The following MLXIPL variants were observed in gnomAD, a reference collection of about 807,000 sequenced individuals.
The protein encoded by MLXIPL is MLX interacting protein like, also known as carbohydrate-responsive element-binding protein.
A neutral mutation model predicts 81.5 loss-of-function variants in MLXIPL; 49 were observed. That is an observed-to-expected ratio of 0.60 (90% CI 0.48 to 0.76). MLXIPL has a LOEUF of 0.76. MLXIPL is among the 30% of genes least tolerant of loss of function. MLXIPL has a pLI of 0.00. For missense variants in MLXIPL, 1,053 were observed against 1,167.0 expected, an observed-to-expected ratio of 0.90 and a Z score of 1.42; for synonymous variants, 466 against 485.5, an observed-to-expected ratio of 0.96 and a Z score of 0.53.
At chr7:73,604,582 T>C (rs1795135640) in intron 7 of MLXIPL, among the ~76,000 whole-genome samples, 1 of 151,834 alleles carries the variant, frequency 6.6e-6, no homozygotes, top group Admixed American at 6.6e-5. Flanking sequence ...CAAAAATAAA[T>C]TAAATTAAAA....
chr7:73,642,173 A>G, the MLXIPL span, among the ~76,000 whole-genome samples: 1 of 152,138 alleles, frequency 6.6e-6, no homozygotes, highest in Non-Finnish European at 1.5e-5. Flanking sequence ...GTTATCAATG[A>G]TACAACTCAG....
the MLXIPL span, among the ~76,000 whole-genome samples, chr7:73,638,607 C>T: frequency 1.6e-4 from 25 of 151,786 alleles, no homozygotes; most frequent in East Asian, 2.3e-3. Context: ...ATTCCCAACC[C>T]AGTACTTTTG....
At chr7:73,611,084 A>G (rs1475975396) in intron 2 of MLXIPL, 4 of 152,044 alleles carry the variant, frequency 2.6e-5, no homozygotes, top group African/African-American at 7.3e-5. Context: ...TCGGCCTCCT[A>G]AAGTGCTGGG....
At chr7:73,643,826 G>A in the MLXIPL span, among the ~76,000 whole-genome samples, 2 of 152,204 alleles carry the variant, frequency 1.3e-5, no homozygotes, top group African/African-American at 4.8e-5. Flanking sequence ...TCAGTGCAGC[G>A]GCACCACCAT....
At chr7:73,601,890 G>T (rs754129588) in intron 7 of MLXIPL, among the ~76,000 whole-genome samples, 1 of 151,986 alleles carries the variant, frequency 6.6e-6, no homozygotes. Context: ...TGTTGCAGTC[G>T]CTGAACCCTG....
the MLXIPL span, among the ~76,000 whole-genome samples, chr7:73,636,891 C>T: frequency 6.6e-6 from 1 of 152,004 alleles, no homozygotes. Context: ...GAAACCCCGT[C>T]TCTACTAAAA....
chr7:73,596,656 G>A lies in MLXIPL; in HGVS notation c.1805C>T (p.Ser602Leu). ...PLLVPKAERL[S>L]PPAPSGSERR... ...CTCTTTACCGCTGGGCGCTGGGGGT[G>A]AGAGCCGCTCCGCTTTGGGGACAAG... Residue 602 changes from serine (S) to leucine (L), a missense_variant, in exon 11 of 17, where the codon TCA becomes TTA. This residue lies in a region of MLXIPL where 823 missense variants were observed against 933.0 expected (regional missense o/e 0.88). Transcript: ENST00000313375. This position sits in a 1 kb window ranked among gnomAD's most constrained non-coding sequence, Gnocchi z 4.7. 1 of 1,594,626 alleles carries A rather than the reference G, an allele frequency of 6.3e-7. No individual in the cohort carries two copies. The highest frequency in any genetic ancestry group is 8.5e-7 in the Non-Finnish European group (1 of 1,170,376).
Position 73,593,804 on chromosome 7 carries a change from GC to G in MLXIPL, c.*60del. ...GGAGTGCCCAGAGATGATCCCTGGA[GC>G]CCGTGCCCAGGGAAAGCAGCCCCCA... On this transcript the variant is annotated 3_prime_UTR_variant, in exon 17 of 17. Coordinates refer to ENST00000313375, the MANE Select transcript of MLXIPL (RefSeq NM_032951.3). 7.2e-7 allele frequency: 1 copy of G among 1,381,390 alleles called. No homozygotes were observed. Among genetic ancestry groups the G allele is most frequent in the East Asian group, 2.3e-5 (1 of 43,786 alleles). The allele number at this position is 1,381,390 out of a possible 1,614,324, so 85.6% of individuals were successfully genotyped here.
At chr7:73,632,766 C>CCTTCCTTT in the MLXIPL span, among the ~76,000 whole-genome samples, 2 of 89,012 alleles carry the variant, frequency 2.2e-5, no homozygotes, top group Admixed American at 1.9e-4. Context: ...TTCCTTCCTT[C>CCTTCCTTT]CTTCCTTCCT....
chr7:73,613,881 A>G (rs1795846876), intron 2 of MLXIPL, among the ~76,000 whole-genome samples: 1 of 152,142 alleles, frequency 6.6e-6, no homozygotes. Context: ...TCACGCCTAT[A>G]ACCCCAGCTC....
At chr7:73,601,840 C>T (rs957119909) in intron 7 of MLXIPL, among the ~76,000 whole-genome samples, 1 of 152,056 alleles carries the variant, frequency 6.6e-6, no homozygotes, top group African/African-American at 2.4e-5. Context: ...CCCTGTGTGT[C>T]GTCAGTGGCT....
rs781875960 is a variant in MLXIPL at position 73,595,676 on chromosome 7, G to A, written c.2271C>T (p.Tyr757=). The change falls in exon 15 of 17, where the codon TAC becomes TAT. Residue 757 remains tyrosine (Y), a synonymous_variant. Coordinates refer to ENST00000313375, the MANE Select transcript of MLXIPL (RefSeq NM_032951.3). ...AGTTGTGCAGCGTACGGGTTCGGAC[G>A]TAGTCATCAAACATGTCTCGCATCT... The part of the protein sequence containing the change: ...FDQMRDMFDD[Y]VRTRTLHNWK... 2.1e-5 allele frequency: 34 copies of A among 1,614,056 alleles called. No individual in the cohort carries two copies. The highest frequency in any genetic ancestry group is 2.7e-5 in the Non-Finnish European group (32 of 1,180,018).
At chr7:73,642,960 G>GCCTCCAGTTCCC in the MLXIPL span, among the ~76,000 whole-genome samples, 2 of 152,214 alleles carry the variant, frequency 1.3e-5, no homozygotes, top group African/African-American at 4.8e-5. Flanking sequence ...CTCTCTAGGG[G>GCCTCCAGTTCCC]CCTCCAGCCA....
chr7:73,597,523 G>A lies in MLXIPL; in HGVS notation c.1262C>T (p.Pro421Leu). Residue 421 changes from proline (P) to leucine (L), a missense_variant, in exon 9 of 17, where the codon CCC becomes CTC. By Grantham distance (98) the Pro-to-Leu change is moderately conservative. Coordinates refer to ENST00000313375, the MANE Select transcript of MLXIPL (RefSeq NM_032951.3). ...PPPPFPPMAP[P>L]TALLQEEPLF... ...AGGCTCTTCCTGCAGCAAAGCAGTG[G>A]GTGGTGCCATGGGAGGGAAGGGAGG... The A allele has an allele frequency of 7.2e-7, 1 of 1,397,780 alleles. No homozygotes were observed. Among genetic ancestry groups the A allele is most frequent in the Non-Finnish European group, 9.3e-7 (1 of 1,073,416 alleles). The allele number at this position is 1,397,780 out of a possible 1,614,324, so 86.6% of individuals were successfully genotyped here.
chr7:73,602,203 C>G (rs13243878), intron 7 of MLXIPL, among the ~76,000 whole-genome samples: 1 of 111,322 alleles, frequency 9.0e-6, no homozygotes, highest in East Asian at 2.6e-4. Flanking sequence ...CTCTCTCTCT[C>G]TCTTTCTCTC....
At chr7:73,594,553 C>CTTT in intron 15 of MLXIPL, 150 bp from the exon 16 acceptor site, 24 of 748,368 alleles carry the variant, frequency 3.2e-5, no homozygotes, top group Non-Finnish European at 4.1e-5. Flanking sequence ...CCTACTTCTT[C>CTTT]TTTTTTTTTT....
intron 7 of MLXIPL, among the ~76,000 whole-genome samples, 176 bp downstream of exon 7, chr7:73,605,511 AC>A (rs1795203532): frequency 6.6e-6 from 1 of 152,180 alleles, no homozygotes; most frequent in African/African-American, 2.4e-5. Context: ...GCACCACTGC[AC>A]TGCAACCTTG....
chr7:73,621,189 CT>C (rs572995837), intron 1 of MLXIPL, among the ~76,000 whole-genome samples: 217 of 152,044 alleles, frequency 1.4e-3, no homozygotes, highest in Non-Finnish European at 2.7e-3. Flanking sequence ...AGATTGCCCC[CT>C]AACCAGGTCC....
At chr7:73,637,298 C>T in the MLXIPL span, among the ~76,000 whole-genome samples, 7 of 150,952 alleles carry the variant, frequency 4.6e-5, no homozygotes, top group African/African-American at 9.7e-5. Flanking sequence ...GCCAACACGG[C>T]GAAACCCCGT....
Sources: gnomAD v4.1 joint callset for allele counts (sites outside exome capture counted in the v4.1 genomes callset) on GRCh38, gnomAD v4.1.1 for gene constraint, gnomAD v4.1.1 regional missense constraint, Gnocchi (gnomAD v3.1) non-coding constraint, MANE v1.5 for transcripts, NCBI Gene and HGNC (gene_info 2026-07-23, HGNC 2026-07-21) for gene names.